The following GNAS variants were observed in gnomAD, a reference collection of about 807,000 sequenced individuals.
GNAS encodes protein ALEX.
A neutral mutation model predicts 54.5 loss-of-function variants in GNAS; 8 were observed. The observed-to-expected ratio is 0.15, with a 90% CI of 0.09 to 0.26. The LOEUF (loss-of-function observed/expected upper bound fraction) is 0.26. Among genes scored for constraint, GNAS ranks in the 10% least tolerant of loss-of-function variants. The pLI is 1.00. For synonymous variants in GNAS, 204 were observed against 191.4 expected, an observed-to-expected ratio of 1.07 and a Z score of -0.54; for missense variants, 170 against 529.8, an observed-to-expected ratio of 0.32 and a Z score of 6.67.
chr20:58,871,271 C>T (rs1052428579), intron 1 of GNAS, among the ~76,000 whole-genome samples: 15 of 152,028 alleles, frequency 9.9e-5, no homozygotes, highest in African/African-American at 2.4e-4. Context: ...AAGAGAGAGA[C>T]AAAGAGAAAT....
rs1396282567 is a variant in GNAS at position 58,841,322 on chromosome 20, G to C, written c.43+436G>C. The C allele has an allele frequency of 1.7e-5, 18 of 1,059,496 alleles. No individual in the cohort carries two copies. The highest frequency in any genetic ancestry group is 2.1e-5 in the Non-Finnish European group (18 of 875,732). 65.6% of individuals were successfully genotyped at this position (1,059,496 alleles called of 1,614,324 possible). A position where few individuals can be genotyped will look rare whatever the true frequency, so the allele number is the denominator to read the frequency against. ...CAAAATGTGGTTCGGAGGTGCGCGC[G>C]CCAACTTTCACGATGTGAGAGCAGC... On this transcript the variant is annotated intron_variant, in intron 1 of 12. Transcript: ENST00000306090. The surrounding 1 kb of genome is among the most constrained non-coding windows in gnomAD (Gnocchi z 5.0).
At position 58,866,437 on chromosome 20, in the gene GNAS, C is replaced by G. The variant is rs142382961; in HGVS notation, c.43+25551C>G. 6.8e-4 allele frequency among the ~76,000 whole-genome samples: 104 copies of G among 152,276 alleles called. 2 individuals carry two copies. The Middle Eastern group carries it at 0.017, about 25-fold the overall frequency. On this transcript the variant is annotated intron_variant, in intron 1 of 12. Transcript: ENST00000306090. ...TGCGCTTGGTCTCTGATAAAGTGGA[C>G]ACCCCCTTCTCCATCCTAGGGCAGA...
chr20:58,848,478 G>A (rs2086026037), intron 1 of GNAS, among the ~76,000 whole-genome samples: 1 of 152,056 alleles, frequency 6.6e-6, no homozygotes, highest in East Asian at 1.9e-4. Flanking sequence ...TCCCATGATG[G>A]CAATCCATCC....
At chr20:58,902,773 C>T (rs570236067) in intron 3 of GNAS, among the ~76,000 whole-genome samples, 1 of 129,788 alleles carries the variant, frequency 7.7e-6, no homozygotes, top group African/African-American at 2.9e-5. Flanking sequence ...TCACTCTCGC[C>T]CTGGCTGGAG....
At chr20:58,908,334 T>C (rs930796944) in intron 6 of GNAS, among the ~76,000 whole-genome samples, 1 of 152,186 alleles carries the variant, frequency 6.6e-6, no homozygotes, top group Admixed American at 6.5e-5. Context: ...CTTTTTTTAA[T>C]GAAAAGCGTA....
intron 1 of GNAS, among the ~76,000 whole-genome samples, chr20:58,877,176 G>A (rs1405941615): frequency 6.6e-6 from 1 of 151,884 alleles, no homozygotes; most frequent in Non-Finnish European, 1.5e-5. Flanking sequence ...TTACAGAGGA[G>A]GCTCGTGGTG....
intron 1 of GNAS, among the ~76,000 whole-genome samples, chr20:58,849,383 G>A (rs553736446): frequency 1.1e-4 from 16 of 152,222 alleles, no homozygotes; most frequent in Non-Finnish European, 1.5e-4. Flanking sequence ...TGTCCAGTGC[G>A]CCAATTGTTC....
At chr20:58,896,656 A>G (rs1300115587) in intron 2 of GNAS, among the ~76,000 whole-genome samples, 2 of 152,110 alleles carry the variant, frequency 1.3e-5, no homozygotes, top group Non-Finnish European at 2.9e-5. Context: ...AACAAAACAA[A>G]AAAACTAAGT....
At chr20:58,889,380 C>G (rs1388087837), upstream of GNAS, 15 of 983,684 alleles carry the variant, frequency 1.5e-5, no homozygotes, top group Non-Finnish European at 1.8e-5. Context: ...CGGGGCCTCC[C>G]GCGGAAGTGC....
chr20:58,880,265 A>G lies in GNAS; in HGVS notation c.44-15347A>G, dbSNP rs558127466. Among the ~76,000 whole-genome samples, 10 of 152,288 alleles carry G rather than the reference A, an allele frequency of 6.6e-5. No individual in the cohort carries two copies. In the South Asian group the frequency reaches 2.1e-3, roughly 32 times the overall value. On this transcript the variant is annotated intron_variant, in intron 1 of 12. Transcript: ENST00000306090. ...GCTCAGCCCAAAAGAGGGTATTGAT[A>G]TGACCCCCAGATGCTGTTCCGAATC... is the stretch of plus-strand genomic sequence containing the variant.
rs553453544 is a variant in GNAS at position 58,854,947 on chromosome 20, G to A, written c.43+14061G>A. On this transcript the variant is annotated intron_variant, in intron 1 of 12. Transcript: ENST00000306090. ...GGCAAGTCCGAGAGCAGCCGCGGCC[G>A]CCGCGTGTACTACGATGAAGGGGTG... 4 of 1,607,598 alleles carry A rather than the reference G, an allele frequency of 2.5e-6. No homozygotes were observed. The highest frequency in any genetic ancestry group is 3.4e-6 in the Non-Finnish European group (4 of 1,178,056).
intron 1 of GNAS, chr20:58,855,920 G>A (rs1197205997): frequency 4.5e-6 from 2 of 442,314 alleles, no homozygotes; most frequent in Non-Finnish European, 8.0e-6. Flanking sequence ...CTGTGTTGTG[G>A]TTTGCGCCAT....
chr20:58,898,643 A>T (rs569677933), intron 2 of GNAS: 1 of 539,146 alleles, frequency 1.9e-6, no homozygotes, highest in Admixed American at 3.1e-5. Flanking sequence ...GTGTACGTTT[A>T]GTGAAAGCAC....
rs941455444 is a variant in GNAS, at chr20:58,841,911, T to G, written c.43+1025T>G. 6 of 1,224,056 alleles carry G rather than the reference T, an allele frequency of 4.9e-6. No homozygotes were observed. Among genetic ancestry groups the G allele is most frequent in the Admixed American group, 4.2e-5 (1 of 23,676 alleles). 75.8% of individuals were successfully genotyped at this position (1,224,056 alleles called of 1,614,324 possible). Reference sequence around the variant, plus strand: ...ACAAGGGACAGGCTGGAGACGGGGGTCGCGTCTAACATCAGGATAACTTAC... The same window carrying G: ...ACAAGGGACAGGCTGGAGACGGGGGGCGCGTCTAACATCAGGATAACTTAC... On this transcript the variant is annotated intron_variant, in intron 1 of 12. Coordinates refer to the GNAS transcript ENST00000306090. This position sits in a 1 kb window ranked among gnomAD's most constrained non-coding sequence, Gnocchi z 5.0.
At chr20:58,877,724 C>A (rs1213243627) in intron 1 of GNAS, among the ~76,000 whole-genome samples, 2 of 152,162 alleles carry the variant, frequency 1.3e-5, no homozygotes, top group Non-Finnish European at 2.9e-5. Flanking sequence ...CAAGCAAGAA[C>A]GAGAGAACGG....
In GNAS at chr20:58,909,211, G is replaced by A. The variant is rs2146265513; in HGVS notation, c.580G>A (p.Asp194Asn). The change falls in exon 7 of 13, where the codon GAT becomes AAT. Residue 194 changes from aspartate to asparagine, a missense_variant. Physicochemically the swap from Asp to Asn is conservative, Grantham distance 23 (BLOSUM62 1). Coordinates refer to ENST00000371085, the MANE Select transcript of GNAS (RefSeq NM_000516.7). This position sits in a 1 kb window ranked among gnomAD's most constrained non-coding sequence, Gnocchi z 7.3. The stretch of plus-strand genomic sequence containing the variant: ...CAAGCAGGCTGACTATGTGCCGAGC[G>A]ATCAGGTGTGCAAAACCCCTCCCCA... ...VIKQADYVPS[D>N]QDLLRCRVLT... The A allele has an allele frequency of 6.2e-7, 1 of 1,613,726 alleles. No homozygotes were observed. The highest frequency in any genetic ancestry group is 8.5e-7 in the Non-Finnish European group (1 of 1,179,662).
Position 58,853,670 on chromosome 20 carries a change from C to T in GNAS, c.43+12784C>T. 1 of 1,613,592 alleles carries T rather than the reference C, an allele frequency of 6.2e-7. No homozygotes were observed. The highest frequency in any genetic ancestry group is 8.5e-7 in the Non-Finnish European group (1 of 1,179,830). On this transcript the variant is annotated intron_variant, in intron 1 of 12. Coordinates refer to the GNAS transcript ENST00000306090. The surrounding 1 kb of genome is among the most constrained non-coding windows in gnomAD (Gnocchi z 4.4). ...TCCATGCAGGCCTTGAGGCCTTCGG[C>T]CCAGCACTCATGGAGCCCGGAGCCT...
chr20:58,862,962 G>GAA (rs542171703), intron 1 of GNAS, among the ~76,000 whole-genome samples: 3 of 82,326 alleles, frequency 3.6e-5, no homozygotes, highest in Non-Finnish European at 2.5e-5. Context: ...TATTACACAT[G>GAA]AAAAAAAAAA....
At chr20:58,842,419 T>C (rs552587316) in intron 1 of GNAS, 1 of 398,602 alleles carries the variant, frequency 2.5e-6, no homozygotes, top group East Asian at 3.6e-5. Context: ...AGGATGATGA[T>C]AGAAGGAAAA....
Sources: allele counts gnomAD v4.1 joint callset (sites outside exome capture counted in the v4.1 genomes callset), GRCh38; gene constraint gnomAD v4.1.1; non-coding constraint Gnocchi (gnomAD v3.1); transcripts MANE v1.5; gene names NCBI Gene and HGNC (gene_info 2026-07-23, HGNC 2026-07-21).